The following ALPK1 variants were observed in gnomAD, a reference collection of about 807,000 sequenced individuals.
ALPK1 encodes alpha kinase 1, also known as alpha-protein kinase 1.
In ALPK1, 110 loss-of-function variants were observed where a neutral mutation model predicts 120.6. That is an observed-to-expected ratio of 0.91 (90% confidence interval 0.78 to 1.07). The LOEUF (loss-of-function observed/expected upper bound fraction) is 1.07, where lower values mean the gene tolerates loss of function less well. ALPK1 is among the 50% of genes least tolerant of loss of function. The pLI is 0.00. For missense variants in ALPK1, 1,498 were observed against 1,483.9 expected (o/e 1.01, Z -0.16); for synonymous variants, 582 against 560.3 (o/e 1.04, Z -0.55).
In ALPK1 at chr4:112,421,128, G is replaced by C. The variant is rs564170067; in HGVS notation, c.476-2816G>C. Among the ~76,000 whole-genome samples, 5 of 152,122 alleles carry C rather than the reference G, an allele frequency of 3.3e-5. No individual in the cohort carries two copies. The South Asian group carries it at 8.3e-4, about 25-fold the overall frequency. On this transcript the variant is annotated intron_variant, in intron 5 of 15. Transcript: ENST00000650871. Reference sequence around the variant, plus strand: ...ATTACAGGCATGAGCCACCGTGCCCGGCCCATAAAATATTTTTTATGAAAA... The same window carrying C: ...ATTACAGGCATGAGCCACCGTGCCCCGCCCATAAAATATTTTTTATGAAAA...
intron 2 of ALPK1, among the ~76,000 whole-genome samples, chr4:112,341,136 A>T (rs1729846185): frequency 6.6e-6 from 1 of 152,148 alleles, no homozygotes; most frequent in Admixed American, 6.5e-5. Flanking sequence ...TGTGTGTTTT[A>T]TATCTCAGTT....
intron 1 of ALPK1, among the ~76,000 whole-genome samples, chr4:112,303,527 G>A (rs1370705165): frequency 6.6e-6 from 1 of 151,934 alleles, no homozygotes; most frequent in African/African-American, 2.4e-5. Context: ...CTACCATATC[G>A]ATCCATTCTC....
At chr4:112,368,853 A>G (rs889252821) in intron 2 of ALPK1, among the ~76,000 whole-genome samples, 1 of 152,136 alleles carries the variant, frequency 6.6e-6, no homozygotes, top group East Asian at 1.9e-4. Flanking sequence ...AGTTTTATGC[A>G]TGGGGTGTGC....
rs1216983479 is a variant in ALPK1 at position 112,430,635 on chromosome 4, C to T, written c.1088C>T (p.Thr363Ile). 2 of 1,614,024 alleles carry T rather than the reference C, an allele frequency of 1.2e-6. No homozygotes were observed. Among genetic ancestry groups the T allele is most frequent in the African/African-American group, 2.7e-5 (2 of 74,914 alleles). The change falls in exon 11 of 16, where the codon ACA becomes ATA. Residue 363 changes from threonine to isoleucine, a missense_variant. Coordinates refer to ENST00000650871, the MANE Select transcript of ALPK1 (RefSeq NM_025144.4). Reference sequence around the variant, plus strand: ...GTCAAAGCTGCTTTCGGTCTCACCACAGTGCACAGAAGGCTCCATGGGGAG... The same window carrying T: ...GTCAAAGCTGCTTTCGGTCTCACCATAGTGCACAGAAGGCTCCATGGGGAG... Reference protein sequence around the residue: ...SFVKAAFGLTTVHRRLHGETG... With the variant: ...SFVKAAFGLTIVHRRLHGETG...
intron 2 of ALPK1, chr4:112,358,295 A>G: frequency 3.3e-6 from 2 of 600,090 alleles, no homozygotes; most frequent in Non-Finnish European, 6.2e-6. Flanking sequence ...CAGGGTGTAC[A>G]ACTTCGGCCA....
chr4:112,426,472 TG>T lies in ALPK1; in HGVS notation c.630del (p.Trp210CysfsTer7), dbSNP rs1734240191. 6.2e-7 allele frequency: 1 copy of T among 1,606,684 alleles called. No individual in the cohort carries two copies. The highest frequency in any genetic ancestry group is 8.5e-7 in the Non-Finnish European group (1 of 1,176,850). On this transcript the variant is annotated frameshift_variant, in exon 8 of 16. Transcript: ENST00000650871. LOFTEE classifies it high-confidence loss of function. ...GCCCCTCTTTTTTTTTTCAGGGATG[TG>T]GTACGAAGCAGCAGAGTTAATATGG... ...RGQILQKLGM[W>X]YEAAELIWAS... is the part of the protein sequence containing the mutation.
chr4:112,358,119 G>A (rs1730730292), intron 2 of ALPK1: 2 of 602,850 alleles, frequency 3.3e-6, no homozygotes, highest in African/African-American at 3.6e-5. Flanking sequence ...GGCCAGGTTG[G>A]GGCTGGGGGC....
At position 112,370,552 on chromosome 4, in the gene ALPK1, T is replaced by A. The variant is rs186470286; in HGVS notation, c.-100-7126T>A. Among the ~76,000 whole-genome samples, 10 of 152,260 alleles carry A rather than the reference T, an allele frequency of 6.6e-5. No individual in the cohort carries two copies. In the East Asian group the frequency reaches 1.9e-3, roughly 29 times the overall value. On this transcript the variant is annotated intron_variant, in intron 2 of 15. Coordinates refer to ENST00000650871, the MANE Select transcript of ALPK1 (RefSeq NM_025144.4). ...GTTCAGGGGAGGAAAAACTGATATG[T>A]GTTGAGATTGAAAATGATTCCTTTA...
chr4:112,430,459 C>T lies in ALPK1; in HGVS notation c.912C>T (p.Gly304=). Residue 304 remains glycine, a synonymous_variant, in exon 11 of 16, where the codon GGC becomes GGT. Coordinates refer to ENST00000650871, the MANE Select transcript of ALPK1 (RefSeq NM_025144.4). ...GGTATTTTTCCCAGAATATCCGTGGCACGTGTTTATTGTCCTACAGTAGTT... is the reference window on the plus strand; with the variant it reads ...GGTATTTTTCCCAGAATATCCGTGGTACGTGTTTATTGTCCTACAGTAGTT... ...LFVLTAVNIR[G]TCLLSYSSSN... 6.4e-7 allele frequency: 1 copy of T among 1,570,930 alleles called. No homozygotes were observed. Among genetic ancestry groups the T allele is most frequent in the Non-Finnish European group, 8.7e-7 (1 of 1,155,522 alleles).
intron 5 of ALPK1, 95 bp from the exon 6 acceptor site, chr4:112,423,849 C>G: frequency 8.4e-7 from 1 of 1,183,794 alleles, no homozygotes; most frequent in South Asian, 1.2e-5. Context: ...GTTACAGTTC[C>G]TGCTGCAATA....
At chr4:112,435,011 A>T (rs1281120755) in intron 11 of ALPK1, 137 bp from the exon 12 acceptor site, 2 of 801,020 alleles carry the variant, frequency 2.5e-6, no homozygotes, top group Non-Finnish European at 4.0e-6. Context: ...CATAGAAGAG[A>T]TGAAAATTAG....
At chr4:112,348,865 T>G (rs1217615336) in intron 2 of ALPK1, among the ~76,000 whole-genome samples, 2 of 152,102 alleles carry the variant, frequency 1.3e-5, no homozygotes, top group Non-Finnish European at 2.9e-5. Flanking sequence ...AATAAAGAGC[T>G]TTGTGTGTGT....
chr4:112,398,184 G>C (rs1006448503), intron 4 of ALPK1, among the ~76,000 whole-genome samples: 3 of 152,194 alleles, frequency 2.0e-5, no homozygotes, highest in Non-Finnish European at 4.4e-5. Flanking sequence ...TGAGCAAAGA[G>C]TCTGGAGAAT....
At chr4:112,331,404 A>T (rs1435228976) in intron 2 of ALPK1, among the ~76,000 whole-genome samples, 1 of 152,166 alleles carries the variant, frequency 6.6e-6, no homozygotes, top group Non-Finnish European at 1.5e-5. Context: ...CCTCCTTGTC[A>T]TCATCCTTCA....
At position 112,358,834 on chromosome 4, in the gene ALPK1, C is replaced by T. The variant is rs1454911004; in HGVS notation, c.-100-18844C>T. 18 of 808,924 alleles carry T rather than the reference C, an allele frequency of 2.2e-5. No individual in the cohort carries two copies. The East Asian group carries it at 3.9e-4, about 17-fold the overall frequency. The allele number at this position is 808,924 out of a possible 1,614,324, so 50.1% of individuals were successfully genotyped here. Reference sequence around the variant, plus strand: ...AGCCAAGCCAACTTTGCCACCTTCACCCAGGCCCTGCAGGACCACAAGGGT... The same window carrying T: ...AGCCAAGCCAACTTTGCCACCTTCATCCAGGCCCTGCAGGACCACAAGGGT... On this transcript the variant is annotated intron_variant, in intron 2 of 15. Transcript: ENST00000650871.
At chr4:112,298,438 TCTTCCCACCTC>T (rs1194866091) in intron 1 of ALPK1, among the ~76,000 whole-genome samples, 3 of 152,098 alleles carry the variant, frequency 2.0e-5, no homozygotes. Flanking sequence ...TTTACTTCTC[TCTTCCCACCTC>T]CTTCCCACCC....
intron 2 of ALPK1, among the ~76,000 whole-genome samples, chr4:112,317,761 G>T (rs1728699360): frequency 6.6e-6 from 1 of 151,920 alleles, no homozygotes; most frequent in African/African-American, 2.4e-5. Flanking sequence ...AATGTCAGTG[G>T]TTTTCGATGA....
intron 5 of ALPK1, among the ~76,000 whole-genome samples, chr4:112,421,405 G>A (rs775118551): frequency 6.6e-6 from 1 of 152,146 alleles, no homozygotes; most frequent in Non-Finnish European, 1.5e-5. Context: ...AGGGTCTGAG[G>A]TCTTAACAAA....
chr4:112,425,591 C>A, intron 6 of ALPK1, 74 bp from the exon 7 acceptor site: 1 of 1,278,322 alleles, frequency 7.8e-7, no homozygotes, highest in Non-Finnish European at 1.1e-6. Flanking sequence ...CTCATGAAGA[C>A]TTCTGTGAAA....
Sources: allele counts gnomAD v4.1 joint callset (sites outside exome capture counted in the v4.1 genomes callset), GRCh38; gene constraint gnomAD v4.1.1; transcripts MANE v1.5; gene names NCBI Gene and HGNC (gene_info 2026-07-23, HGNC 2026-07-21).